CC2D2A: variants seen among roughly 807,000 people sequenced by gnomAD.
The protein encoded by CC2D2A is coiled-coil and C2 domain containing 2A, also known as coiled-coil and C2 domain-containing protein 2A.
In CC2D2A, 155 loss-of-function variants were observed where a neutral mutation model predicts 212.9. The observed-to-expected ratio is 0.73, with a 90% CI of 0.64 to 0.83. CC2D2A has a LOEUF of 0.83. Among genes scored for constraint, CC2D2A ranks in the 40% least tolerant of loss-of-function variants. CC2D2A has a pLI of 0.00. For missense variants in CC2D2A, 1,856 were observed against 1,956.2 expected, an observed-to-expected ratio of 0.95 and a Z score of 0.97; for synonymous variants, 667 against 686.5, an observed-to-expected ratio of 0.97 and a Z score of 0.44.
At chr4:15,582,768 A>C (rs1177491243) in intron 30 of CC2D2A, among the ~76,000 whole-genome samples, 1 of 152,186 alleles carries the variant, frequency 6.6e-6, no homozygotes, top group Non-Finnish European at 1.5e-5. Context: ...AAATGTTTAA[A>C]TAAGGACTAA....
At position 15,601,478 on chromosome 4, in the gene CC2D2A, A is replaced by G. The variant is rs1721599081; in HGVS notation, c.*53A>G. On this transcript the variant is annotated 3_prime_UTR_variant, in exon 37 of 37. Transcript: ENST00000424120. The stretch of plus-strand genomic sequence containing the variant: ...GTAAAAACTACACTTAGGATATGAG[A>G]AAATTTTAAATTATATGCATCACAT... 1 of 1,169,300 alleles carries G rather than the reference A, an allele frequency of 8.6e-7. No homozygotes were observed. The highest frequency in any genetic ancestry group is 1.2e-6 in the Non-Finnish European group (1 of 867,192). 72.4% of individuals were successfully genotyped at this position (1,169,300 alleles called of 1,614,324 possible).
chr4:15,558,013 G>A (rs775766365), intron 21 of CC2D2A, among the ~76,000 whole-genome samples: 3 of 152,124 alleles, frequency 2.0e-5, no homozygotes, highest in Non-Finnish European at 2.9e-5. Context: ...ATCCATCCTG[G>A]TCAAGGGCAG....
chr4:15,599,370 A>G (rs1048897507), intron 35 of CC2D2A, among the ~76,000 whole-genome samples, 159 bp from the exon 36 acceptor site: 5 of 152,172 alleles, frequency 3.3e-5, no homozygotes, highest in Admixed American at 6.5e-5. Flanking sequence ...ATCCCCAGGG[A>G]GTAGCCCATT....
At chr4:15,599,435 A>G in intron 35 of CC2D2A, 94 bp from the exon 36 acceptor site, 1 of 762,352 alleles carries the variant, frequency 1.3e-6, no homozygotes, top group Non-Finnish European at 2.1e-6. Flanking sequence ...AAATATAGTT[A>G]TACAATCATC....
intron 11 of CC2D2A, among the ~76,000 whole-genome samples, chr4:15,518,018 A>G (rs1228580050): frequency 6.6e-6 from 1 of 152,158 alleles, no homozygotes; most frequent in Non-Finnish European, 1.5e-5. Flanking sequence ...GGTTCCTCCC[A>G]TGAAACCTGG....
intron 33 of CC2D2A, among the ~76,000 whole-genome samples, chr4:15,592,088 A>G (rs757719033): frequency 1.3e-5 from 2 of 152,196 alleles, no homozygotes; most frequent in South Asian, 2.1e-4. Flanking sequence ...TTTGGATGTC[A>G]GTCTTTTTCC....
chr4:15,479,303 T>A, intron 3 of CC2D2A: 1 of 1,537,112 alleles, frequency 6.5e-7, no homozygotes, highest in Non-Finnish European at 8.7e-7. Context: ...GCTGGGAGCA[T>A]CCCGTGCAGG....
chr4:15,559,128 A>G (rs1231824771), intron 21 of CC2D2A, 37 bp from the exon 22 acceptor site: 1 of 1,191,766 alleles, frequency 8.4e-7, no homozygotes, highest in Non-Finnish European at 1.2e-6. Flanking sequence ...AAAGCACCAG[A>G]GAGTGCTTTA....
intron 16 of CC2D2A, among the ~76,000 whole-genome samples, chr4:15,540,377 T>C (rs1718364074): frequency 6.6e-6 from 1 of 152,136 alleles, no homozygotes; most frequent in African/African-American, 2.4e-5. Context: ...TCACTTACTG[T>C]CTGAAAATGT....
At position 15,567,404 on chromosome 4, in the gene CC2D2A, A is replaced by C; in HGVS notation, c.3210A>C (p.Ser1070=). The C allele has an allele frequency of 1.2e-6, 2 of 1,613,466 alleles. No homozygotes were observed. The highest frequency in any genetic ancestry group is 1.7e-6 in the Non-Finnish European group (2 of 1,179,624). ...VSKFQQPSRS[S]RMFSEKHAAS... is the part of the protein sequence containing the mutation. ...AATTCCAGCAGCCGTCGAGGTCTTC[A>C]AGGATGTTCAGTGAAAAGCATGCTG... is the stretch of plus-strand genomic sequence containing the variant. Residue 1070 remains serine, a synonymous_variant, in exon 25 of 37, where the codon TCA becomes TCC. Transcript: ENST00000424120.
chr4:15,476,402 A>G (rs1714215896), intron 2 of CC2D2A, among the ~76,000 whole-genome samples: 1 of 152,236 alleles, frequency 6.6e-6, no homozygotes, highest in Non-Finnish European at 1.5e-5. Context: ...GTTTACTAAG[A>G]TTGCAGTTTG....
Position 15,551,043 on chromosome 4 carries a change from T to C in CC2D2A, c.2338+63T>C, listed in dbSNP as rs903671286. Reference sequence around the variant, plus strand: ...ATTGTCAGATTTGAATGTGTATATATCTATTTCACTTCCCAGACAACCATA... The same window carrying C: ...ATTGTCAGATTTGAATGTGTATATACCTATTTCACTTCCCAGACAACCATA... On this transcript the variant is annotated intron_variant, in intron 18 of 36. Transcript: ENST00000424120. 5 of 1,241,668 alleles carry C rather than the reference T, an allele frequency of 4.0e-6. No individual in the cohort carries two copies. In the African/African-American group the frequency reaches 7.4e-5, roughly 18 times the overall value. The allele number at this position is 1,241,668 out of a possible 1,614,324, so 76.9% of individuals were successfully genotyped here. A position where few individuals can be genotyped will look rare whatever the true frequency, so the allele number is the denominator to read the frequency against.
chr4:15,482,331 C>T (rs1714728547), intron 4 of CC2D2A: 1 of 971,468 alleles, frequency 1.0e-6, no homozygotes, highest in East Asian at 1.1e-4. Context: ...TACAACTTGT[C>T]ATTTCAGGCT....
chr4:15,519,694 CA>C, intron 11 of CC2D2A: 1 of 426,886 alleles, frequency 2.3e-6, no homozygotes, highest in Non-Finnish European at 4.6e-6. Flanking sequence ...TGGATGGCAG[CA>C]GGCAAAAAGA....
chr4:15,498,323 G>C (rs1376570921), intron 4 of CC2D2A, among the ~76,000 whole-genome samples: 1 of 152,118 alleles, frequency 6.6e-6, no homozygotes, highest in Non-Finnish European at 1.5e-5. Context: ...CTAAAATTCT[G>C]TCATTATCCA....
intron 33 of CC2D2A, among the ~76,000 whole-genome samples, chr4:15,594,051 GATA>G (rs1179889507): frequency 6.6e-6 from 1 of 151,910 alleles, no homozygotes; most frequent in African/African-American, 2.4e-5. Context: ...CCCTTCCTCT[GATA>G]ATGTCACCTC....
At chr4:15,592,903 A>G (rs1319793251) in intron 33 of CC2D2A, among the ~76,000 whole-genome samples, 3 of 152,120 alleles carry the variant, frequency 2.0e-5, no homozygotes, top group Non-Finnish European at 4.4e-5. Context: ...ATTTCTATCA[A>G]TATCACTTAT....
rs78227788 is a variant in CC2D2A at position 15,563,086 on chromosome 4, G to A, written c.3015-269G>A. 4.7e-3 allele frequency among the ~76,000 whole-genome samples: 716 copies of A among 152,356 alleles called. 5 individuals are homozygous for A. The highest frequency in any genetic ancestry group is 0.017 in the African/African-American group (691 of 41,576). On this transcript the variant is annotated intron_variant, in intron 23 of 36. Transcript: ENST00000424120. ...AGGCATGTTTGAGGAACTGGTGGGT[G>A]AGCAAGGTAGAGATAAGGCAGGAAA...
Position 15,513,363 on chromosome 4 carries a change from C to T in CC2D2A, c.718-1344C>T, listed in dbSNP as rs562076172. Among the ~76,000 whole-genome samples the T allele has an allele frequency of 1.6e-4, 24 of 152,334 alleles. No homozygotes were observed. In the South Asian group the frequency reaches 3.5e-3, roughly 22 times the overall value. ...TACTCAGGAGAAGCAAGTCACGAGA[C>T]GTAGTGCACTCTCAAATGGAGGAGA... is the stretch of plus-strand genomic sequence containing the variant. On this transcript the variant is annotated intron_variant, in intron 8 of 36. Transcript: ENST00000424120.
Sources: gnomAD v4.1 joint callset for allele counts (sites outside exome capture counted in the v4.1 genomes callset) on GRCh38, gnomAD v4.1.1 for gene constraint, MANE v1.5 for transcripts, NCBI Gene and HGNC (gene_info 2026-07-23, HGNC 2026-07-21) for gene names.